MOB3B: variants seen among roughly 807,000 people sequenced by gnomAD.
MOB3B encodes MOB kinase activator-like 2B.
A neutral mutation model predicts 18.7 loss-of-function variants in MOB3B; 7 were observed. That is an observed-to-expected ratio of 0.37 (90% CI 0.21 to 0.70). The LOEUF (loss-of-function observed/expected upper bound fraction) is 0.70. MOB3B is among the 30% of genes least tolerant of loss of function. The probability of loss-of-function intolerance (pLI) is 0.52; values close to 1 mark genes in which losing one functional copy is unlikely to be tolerated. For synonymous variants in MOB3B, 111 were observed against 99.9 expected (o/e 1.11, Z -0.66); for missense variants, 253 against 281.3 (o/e 0.90, Z 0.72).
At position 27,398,681 on chromosome 9, in the gene MOB3B, A is replaced by G. The variant is rs1028835219; in HGVS notation, c.419-39445T>C. Among the ~76,000 whole-genome samples the G allele has an allele frequency of 7.9e-5, 12 of 152,226 alleles. No homozygotes were observed. In the East Asian group the frequency reaches 2.3e-3, roughly 29 times the overall value. On this transcript the variant is annotated intron_variant, in intron 2 of 3. Transcript: ENST00000262244. ...CAGAGACTGGGTGAGTGTGGAACCC[A>G]TGTCAGGGATGCAGAAACCACTGTG...
chr9:27,422,075 T>C (rs1414842569), intron 2 of MOB3B, among the ~76,000 whole-genome samples: 1 of 152,196 alleles, frequency 6.6e-6, no homozygotes, highest in African/African-American at 2.4e-5. Flanking sequence ...CCATTAATAT[T>C]TGCTGAGTGA....
At chr9:27,493,738 C>T (rs1041125162) in intron 1 of MOB3B, among the ~76,000 whole-genome samples, 2 of 152,074 alleles carry the variant, frequency 1.3e-5, no homozygotes, top group African/African-American at 2.4e-5. Flanking sequence ...TCCTGTCAGC[C>T]GAGGAGGATG....
intron 3 of MOB3B, among the ~76,000 whole-genome samples, chr9:27,346,022 TG>T (rs998758058): frequency 2.0e-5 from 3 of 152,198 alleles, no homozygotes; most frequent in African/African-American, 7.2e-5. Context: ...TAATGCCCAG[TG>T]TAATAGTATT....
intron 3 of MOB3B, among the ~76,000 whole-genome samples, chr9:27,347,982 T>A (rs964726352): frequency 6.6e-6 from 1 of 152,228 alleles, no homozygotes; most frequent in African/African-American, 2.4e-5. Flanking sequence ...TGTATTCCCA[T>A]CATTATGTGA....
chr9:27,417,695 GAGGACTCACA>G (rs1367567666), intron 2 of MOB3B, among the ~76,000 whole-genome samples: 5 of 152,178 alleles, frequency 3.3e-5, no homozygotes, highest in Non-Finnish European at 4.4e-5. Context: ...ACCGTTTATT[GAGGACTCACA>G]AGTACTTTAC....
chr9:27,469,144 T>G (rs894171319), intron 1 of MOB3B, among the ~76,000 whole-genome samples: 2 of 152,166 alleles, frequency 1.3e-5, no homozygotes, highest in Non-Finnish European at 2.9e-5. Flanking sequence ...ATTTTTCTTT[T>G]TTTGTAGAGA....
chr9:27,394,073 CA>C (rs1235815877), intron 2 of MOB3B: 3 of 152,150 alleles, frequency 2.0e-5, no homozygotes, highest in Non-Finnish European at 4.4e-5. Context: ...ATCCCTACAG[CA>C]ATCACATCTC....
At chr9:27,436,380 C>T (rs1296742091) in intron 2 of MOB3B, among the ~76,000 whole-genome samples, 2 of 152,222 alleles carry the variant, frequency 1.3e-5, no homozygotes, top group East Asian at 3.8e-4. Flanking sequence ...ACTCATGGAG[C>T]TTCCATCCTC....
At chr9:27,396,151 A>AT (rs1268163415) in intron 2 of MOB3B, among the ~76,000 whole-genome samples, 3 of 151,928 alleles carry the variant, frequency 2.0e-5, no homozygotes, top group Non-Finnish European at 4.4e-5. Flanking sequence ...CCCTACATGT[A>AT]TTTTTTTCCT....
chr9:27,384,438 A>T (rs549828341), intron 2 of MOB3B, among the ~76,000 whole-genome samples: 1 of 152,256 alleles, frequency 6.6e-6, no homozygotes, highest in South Asian at 2.1e-4. Context: ...TCAGTAATTC[A>T]AACAATCTCA....
intron 3 of MOB3B, among the ~76,000 whole-genome samples, chr9:27,333,540 C>T (rs1030533948): frequency 1.6e-4 from 25 of 152,098 alleles, no homozygotes; most frequent in African/African-American, 6.0e-4. Context: ...ACTGAATGCC[C>T]TGTGTATTAA....
intron 1 of MOB3B, among the ~76,000 whole-genome samples, chr9:27,461,923 A>C (rs1280541677): frequency 2.0e-5 from 3 of 152,194 alleles, no homozygotes; most frequent in Admixed American, 6.5e-5. Context: ...TTTGTTTGGT[A>C]TGGTTTGAAA....
chr9:27,477,290 C>A (rs566961387), intron 1 of MOB3B, among the ~76,000 whole-genome samples: 2 of 152,278 alleles, frequency 1.3e-5, no homozygotes, highest in African/African-American at 2.4e-5. Flanking sequence ...CGGACTCACA[C>A]CCCAGATACC....
At chr9:27,512,185 T>G (rs569923097) in intron 1 of MOB3B, among the ~76,000 whole-genome samples, 393 of 152,276 alleles carry the variant, frequency 2.6e-3, no homozygotes, top group Non-Finnish European at 4.1e-3. Flanking sequence ...GAGACCCAAC[T>G]GCAGCTCAAG....
rs1820739770 is a variant in MOB3B at position 27,328,297 on chromosome 9, T to C, written c.*2290A>G. The C allele has an allele frequency of 6.6e-6, 1 of 151,902 alleles. No individual in the cohort carries two copies. Among genetic ancestry groups the C allele is most frequent in the African/African-American group, 2.4e-5 (1 of 41,332 alleles). 9.4% of individuals were successfully genotyped at this position (151,902 alleles called of 1,614,324 possible). A position where few individuals can be genotyped will look rare whatever the true frequency, so the allele number is the denominator to read the frequency against. ...TCCATTTATAACAGAGATGAACAGT[T>C]AGATGCAGTCAAGCAGAGGAGATAA... On this transcript the variant is annotated 3_prime_UTR_variant, in exon 4 of 4. Coordinates refer to ENST00000262244, the MANE Select transcript of MOB3B (RefSeq NM_024761.5).
intron 3 of MOB3B, among the ~76,000 whole-genome samples, chr9:27,336,459 G>T (rs374386369): frequency 3.2e-4 from 48 of 152,112 alleles, no homozygotes; most frequent in African/African-American, 1.2e-3. Context: ...AATAATCAAG[G>T]AAGAAAAGCA....
intron 1 of MOB3B, among the ~76,000 whole-genome samples, chr9:27,527,766 TCAG>T (rs533807981): frequency 1.1e-3 from 170 of 152,354 alleles, no homozygotes; most frequent in Admixed American, 4.1e-3. Flanking sequence ...ACAGTCTCAG[TCAG>T]CCTCCCCTCA....
At chr9:27,513,091 A>G (rs76622200) in intron 1 of MOB3B, among the ~76,000 whole-genome samples, 2,764 of 152,328 alleles carry the variant, frequency 0.018, 49 homozygotes, top group Non-Finnish European at 0.03. Context: ...AAATGAGATT[A>G]TTTACTGATT....
chr9:27,370,792 G>C (rs1456191797), intron 2 of MOB3B, among the ~76,000 whole-genome samples: 1 of 152,198 alleles, frequency 6.6e-6, no homozygotes, highest in East Asian at 1.9e-4. Flanking sequence ...AGTTGTGCGG[G>C]AGTGGTGAAG....
Sources: gnomAD v4.1 joint callset for allele counts (sites outside exome capture counted in the v4.1 genomes callset) on GRCh38, gnomAD v4.1.1 for gene constraint, MANE v1.5 for transcripts, NCBI Gene and HGNC (gene_info 2026-07-23, HGNC 2026-07-21) for gene names.